NTAQ1: variants seen among roughly 807,000 people sequenced by gnomAD.
NTAQ1 encodes the protein protein N-terminal glutamine amidohydrolase.
A neutral mutation model predicts 28.2 loss-of-function variants in NTAQ1; 21 were observed. The observed-to-expected ratio is 0.74, with a 90% CI of 0.53 to 1.07. The LOEUF (loss-of-function observed/expected upper bound fraction) is 1.07, where lower values mean the gene tolerates loss of function less well. Among genes scored for constraint, NTAQ1 ranks in the 50% least tolerant of loss-of-function variants. The pLI is 0.00. For missense variants in NTAQ1, 264 were observed against 256.6 expected, an observed-to-expected ratio of 1.03 and a Z score of -0.20; for synonymous variants, 105 against 90.0, an observed-to-expected ratio of 1.17 and a Z score of -0.94.
rs1248735829 is a variant in NTAQ1, at chr8:123,421,846, A to AT, written c.83+4914_83+4915insT. On this transcript the variant is annotated intron_variant, in intron 1 of 5. Coordinates refer to ENST00000287387, the MANE Select transcript of NTAQ1 (RefSeq NM_018024.3). ...TGGGGCTGCAGGTGTCCACCACCAC[A>AT]CCCGGCTAATTTTTTGTATTTTTTT... 2.7e-5 allele frequency among the ~76,000 whole-genome samples: 3 copies of AT among 111,738 alleles called. No individual in the cohort carries two copies. The East Asian group carries it at 9.2e-4, about 34-fold the overall frequency. 73.3% of individuals were successfully genotyped at this position (111,738 alleles called of 152,430 possible).
At chr8:123,456,691 A>G (rs1815659413) in intron 6 of NTAQ1, among the ~76,000 whole-genome samples, 1 of 152,208 alleles carries the variant, frequency 6.6e-6, no homozygotes, top group African/African-American at 2.4e-5. Context: ...CTTAAATGAG[A>G]TCCTTTTGCT....
intron 3 of NTAQ1, among the ~76,000 whole-genome samples, chr8:123,431,578 G>C (rs776183669): frequency 2.2e-4 from 33 of 152,290 alleles, no homozygotes; most frequent in Middle Eastern, 3.4e-3. Flanking sequence ...CAGTTTCGTT[G>C]CCAGCAGGTG....
At chr8:123,451,228 G>A (rs1024949195), downstream of NTAQ1, among the ~76,000 whole-genome samples, 4 of 152,118 alleles carry the variant, frequency 2.6e-5, no homozygotes, top group Non-Finnish European at 4.4e-5. Flanking sequence ...TTCTTCCCTG[G>A]TGACGTATCT....
intron 3 of NTAQ1, among the ~76,000 whole-genome samples, chr8:123,432,775 G>C (rs959180691): frequency 1.3e-4 from 19 of 151,470 alleles, no homozygotes; most frequent in African/African-American, 4.6e-4. Context: ...TGACCCCCAA[G>C]GTTTAAGCAA....
chr8:123,438,981 C>G (rs1438558120), intron 5 of NTAQ1, among the ~76,000 whole-genome samples: 1 of 152,164 alleles, frequency 6.6e-6, no homozygotes, highest in Non-Finnish European at 1.5e-5. Flanking sequence ...TTAGCAGCTA[C>G]CTGTTTCCCC....
downstream of NTAQ1, among the ~76,000 whole-genome samples, chr8:123,451,246 A>G (rs564048295): frequency 1.2e-4 from 18 of 152,232 alleles, no homozygotes; most frequent in East Asian, 3.3e-3. Flanking sequence ...TCTAGAGCTG[A>G]CTGCCCCAGT....
chr8:123,424,028 G>A (rs961831329), intron 1 of NTAQ1, among the ~76,000 whole-genome samples: 16 of 147,894 alleles, frequency 1.1e-4, no homozygotes, highest in African/African-American at 2.0e-4. Flanking sequence ...GATTATAGGT[G>A]CATGCTCCTA....
At chr8:123,421,179 CAATCA>C (rs1813666978) in intron 1 of NTAQ1, among the ~76,000 whole-genome samples, 4 of 151,888 alleles carry the variant, frequency 2.6e-5, no homozygotes, top group Admixed American at 2.0e-4. Flanking sequence ...GACCTGGTGT[CAATCA>C]ATTCTCCCAC....
downstream of NTAQ1, among the ~76,000 whole-genome samples, chr8:123,470,397 G>A (rs1816029829): frequency 6.6e-6 from 1 of 152,206 alleles, no homozygotes; most frequent in African/African-American, 2.4e-5. Context: ...TGATGAGATG[G>A]ACGCATTTTA....
At chr8:123,474,344 A>G (rs977104916), downstream of NTAQ1, among the ~76,000 whole-genome samples, 2 of 152,244 alleles carry the variant, frequency 1.3e-5, no homozygotes, top group South Asian at 4.1e-4. Flanking sequence ...AAAGCTGGTC[A>G]GTAACCTTGT....
At chr8:123,452,895 A>AAAAAC (rs549141257), downstream of NTAQ1, among the ~76,000 whole-genome samples, 2 of 152,204 alleles carry the variant, frequency 1.3e-5, no homozygotes, top group African/African-American at 2.4e-5. Flanking sequence ...CCCTCTCAAA[A>AAAAAC]AAAACAAAAC....
intron 6 of NTAQ1, among the ~76,000 whole-genome samples, chr8:123,462,642 TC>T (rs1347639582): frequency 6.6e-6 from 1 of 152,196 alleles, no homozygotes. Flanking sequence ...CTGTTATCAT[TC>T]CCACTTCACA....
downstream of NTAQ1, among the ~76,000 whole-genome samples, chr8:123,442,814 G>A (rs1284209725): frequency 6.6e-6 from 1 of 150,522 alleles, no homozygotes; most frequent in Non-Finnish European, 1.5e-5. Flanking sequence ...GATTACAGGT[G>A]TGCGCCACCA....
intron 6 of NTAQ1, among the ~76,000 whole-genome samples, chr8:123,447,803 C>T (rs1217851177): frequency 6.6e-6 from 1 of 152,160 alleles, no homozygotes; most frequent in African/African-American, 2.4e-5. Flanking sequence ...CAAAAAACAA[C>T]TCTGCAAAAC....
rs544936039 is a variant in NTAQ1 at position 123,431,382 on chromosome 8, G to A, written c.234+1349G>A. 3.3e-5 allele frequency among the ~76,000 whole-genome samples: 5 copies of A among 150,220 alleles called. No individual in the cohort carries two copies. In the South Asian group the frequency reaches 6.3e-4, roughly 19 times the overall value. On this transcript the variant is annotated intron_variant, in intron 3 of 5. Transcript: ENST00000287387. ...ATAGAGTTTTTATGCTAATAAACAC[G>A]AAAGCAAAGTAAAAGGAAAATGACA...
intron 5 of NTAQ1, among the ~76,000 whole-genome samples, chr8:123,440,146 C>CTTTTTTT (rs577877415): frequency 1.1e-4 from 6 of 56,572 alleles, no homozygotes; most frequent in African/African-American, 1.5e-4. Context: ...GGATTAACTC[C>CTTTTTTT]TTTTTTTTTT....
chr8:123,438,117 C>T, intron 5 of NTAQ1: 1 of 699,118 alleles, frequency 1.4e-6, no homozygotes, highest in Middle Eastern at 2.3e-4. Context: ...CCACTTGTCT[C>T]ATTTATGTGC....
At chr8:123,430,367 C>T (rs776911668) in intron 3 of NTAQ1, among the ~76,000 whole-genome samples, 6 of 152,082 alleles carry the variant, frequency 3.9e-5, no homozygotes, top group African/African-American at 1.2e-4. Context: ...TTCGGCTGGG[C>T]GCGGTGGCTC....
chr8:123,452,980 A>C (rs985370178), downstream of NTAQ1, among the ~76,000 whole-genome samples: 5 of 152,244 alleles, frequency 3.3e-5, no homozygotes, highest in Non-Finnish European at 7.3e-5. Context: ...ACTTAGAGTC[A>C]ATAGGCAATC....
Sources: allele counts gnomAD v4.1 joint callset (sites outside exome capture counted in the v4.1 genomes callset), GRCh38; gene constraint gnomAD v4.1.1; transcripts MANE v1.5; gene names NCBI Gene and HGNC (gene_info 2026-07-23, HGNC 2026-07-21).